The following CYB5R3 variants were observed in gnomAD, a reference collection of about 807,000 sequenced individuals.
CYB5R3 encodes the protein NADH-cytochrome b5 reductase 3.
A neutral mutation model predicts 36.5 loss-of-function variants in CYB5R3; 28 were observed. That is an observed-to-expected ratio of 0.77 (90% CI 0.57 to 1.05). The LOEUF is 1.05. Among genes scored for constraint, CYB5R3 ranks in the 50% least tolerant of loss-of-function variants. The pLI, the probability that CYB5R3 is intolerant of heterozygous loss-of-function variation, is 0.00. For synonymous variants in CYB5R3, 181 were observed against 159.8 expected (o/e 1.13, Z -1.00); for missense variants, 474 against 408.9 (o/e 1.16, Z -1.37).
In CYB5R3 at chr22:42,619,478, T is replaced by G; in HGVS notation, c.*295A>C. On this transcript the variant is annotated 3_prime_UTR_variant, in exon 9 of 9. Transcript: ENST00000352397. ...CTGCTGGCAGCCCTCAGCCTTATAG[T>G]GTGTGTGGGGGGTGGACGAGGGGTC... The G allele has an allele frequency of 2.1e-6, 1 of 465,590 alleles. No individual in the cohort carries two copies. 28.8% of individuals were successfully genotyped at this position (465,590 alleles called of 1,614,324 possible).
chr22:42,628,239 TC>T lies in CYB5R3; in HGVS notation c.375del (p.Lys126ArgfsTer47). The T allele has an allele frequency of 6.2e-7, 1 of 1,614,108 alleles. No homozygotes were observed. The highest frequency in any genetic ancestry group is 8.5e-7 in the Non-Finnish European group (1 of 1,179,988). On this transcript the variant is annotated frameshift_variant, in exon 5 of 9. Coordinates refer to ENST00000352397, the MANE Select transcript of CYB5R3 (RefSeq NM_000398.7). LOFTEE classifies it high-confidence loss of function. ...ATGCTCTCCAGGTACTGAGACATCT[TC>T]CCTCCAGCGGGAAACTTGGGATGGG... ...KDTHPKFPAG[G>X]KMSQYLESMQ...
Position 42,628,165 on chromosome 22 carries a change from G to A in CYB5R3, c.450C>T (p.Val150=). The change falls in exon 5 of 9, where the codon GTC becomes GTT. Residue 150 remains valine (V), a synonymous_variant. Coordinates refer to ENST00000352397, the MANE Select transcript of CYB5R3 (RefSeq NM_000398.7). ...GACCCGAATCACCTTTGCCCTGGTA[G>A]ACCAGCAGCCCACTGGGGCCCCGGA... ...IEFRGPSGLL[V]YQGKGKFAIR... The A allele has an allele frequency of 6.2e-7, 1 of 1,614,082 alleles. No homozygotes were observed. Among genetic ancestry groups the A allele is most frequent in the African/African-American group, 1.3e-5 (1 of 75,038 alleles).
Position 42,618,474 on chromosome 22 carries a change from T to G in CYB5R3, c.*1299A>C, listed in dbSNP as rs1203544904. Reference sequence around the variant, plus strand: ...ATGGCGTGAACCCGGGAGGCGGAGCTTGCAGTGAGCCGAGATCCCGCCACT... The same window carrying G: ...ATGGCGTGAACCCGGGAGGCGGAGCGTGCAGTGAGCCGAGATCCCGCCACT... On this transcript the variant is annotated 3_prime_UTR_variant, in exon 9 of 9. Coordinates refer to ENST00000352397, the MANE Select transcript of CYB5R3 (RefSeq NM_000398.7). 6.9e-6 allele frequency: 1 copy of G among 144,238 alleles called. No individual in the cohort carries two copies. Among genetic ancestry groups the G allele is most frequent in the Non-Finnish European group, 1.5e-5 (1 of 66,728 alleles). 8.9% of individuals were successfully genotyped at this position (144,238 alleles called of 1,614,324 possible). A position where few individuals can be genotyped will look rare whatever the true frequency, so the allele number is the denominator to read the frequency against.
chr22:42,627,853 G>C (rs1040743991), intron 5 of CYB5R3, among the ~76,000 whole-genome samples, 165 bp from the exon 6 acceptor site: 1 of 152,168 alleles, frequency 6.6e-6, no homozygotes, highest in Non-Finnish European at 1.5e-5. Flanking sequence ...CAGTGGAGAG[G>C]CTGGGAACCC....
At chr22:42,636,668 G>A in intron 2 of CYB5R3, 47 bp downstream of exon 2, 1 of 1,601,274 alleles carries the variant, frequency 6.2e-7, no homozygotes. Flanking sequence ...GTAGGTGCTG[G>A]GCAATGCTGT....
At position 42,628,169 on chromosome 22, in the gene CYB5R3, A is replaced by G. The variant is rs121965008; in HGVS notation, c.446T>C (p.Leu149Pro). The G allele has an allele frequency of 6.2e-7, 1 of 1,614,118 alleles. No individual in the cohort carries two copies. Among genetic ancestry groups the G allele is most frequent in the East Asian group, 2.2e-5 (1 of 44,888 alleles). The change falls in exon 5 of 9, where the codon CTG becomes CCG. Residue 149 changes from leucine to proline, a missense_variant. Coordinates refer to ENST00000352397, the MANE Select transcript of CYB5R3 (RefSeq NM_000398.7). ...CGAATCACCTTTGCCCTGGTAGACC[A>G]GCAGCCCACTGGGGCCCCGGAACTC... The part of the protein sequence containing the change: ...TIEFRGPSGL[L>P]VYQGKGKFAI...
intron 4 of CYB5R3, among the ~76,000 whole-genome samples, chr22:42,630,575 T>C (rs944589797): frequency 3.9e-5 from 6 of 152,236 alleles, no homozygotes; most frequent in Admixed American, 1.3e-4. Context: ...CCCTGAACCC[T>C]GGCCCCTGTT....
intron 1 of CYB5R3, among the ~76,000 whole-genome samples, chr22:42,645,753 T>A (rs559335646): frequency 1.2e-4 from 18 of 152,302 alleles, no homozygotes; most frequent in East Asian, 3.9e-4. Context: ...GGGGACACTT[T>A]CTGGCCACTA....
intron 1 of CYB5R3, chr22:42,639,970 T>C: frequency 6.2e-7 from 1 of 1,610,668 alleles, no homozygotes; most frequent in Non-Finnish European, 8.5e-7. Context: ...TCTTCAAACA[T>C]TCTAGCCAAT....
rs1442202553 is a variant in CYB5R3, at chr22:42,627,649, A to G, written c.503T>C (p.Ile168Thr). The G allele has an allele frequency of 8.7e-6, 14 of 1,613,940 alleles. No homozygotes were observed. The highest frequency in any genetic ancestry group is 1.2e-5 in the Non-Finnish European group (14 of 1,179,992). The change falls in exon 6 of 9, where the codon ATC (isoleucine) becomes ACC (threonine). Residue 168 changes from isoleucine to threonine, a missense_variant. Ile to Thr is a moderately conservative substitution (Grantham distance 89). Transcript: ENST00000352397. Reference protein sequence around the residue: ...AIRPDKKSNPIIRTVKSVGMI... With the variant: ...AIRPDKKSNPTIRTVKSVGMI... ...GCCCACAGACTTCACTGTCCTGATGATAGGGTTGGACTTTTTGTCAGGTCG... is the reference window on the plus strand; with the variant it reads ...GCCCACAGACTTCACTGTCCTGATGGTAGGGTTGGACTTTTTGTCAGGTCG...
chr22:42,640,376 T>G (rs1929191460), intron 1 of CYB5R3: 1 of 656,642 alleles, frequency 1.5e-6, no homozygotes, highest in Non-Finnish European at 2.1e-6. Context: ...TTTATTTATT[T>G]ATTTATTTAT....
In CYB5R3 at chr22:42,649,346, C is replaced by A; in HGVS notation, c.-31G>T. 1.1e-6 allele frequency: 1 copy of A among 879,794 alleles called. No homozygotes were observed. Among genetic ancestry groups the A allele is most frequent in the Non-Finnish European group, 1.4e-6 (1 of 720,236 alleles). 54.5% of individuals were successfully genotyped at this position (879,794 alleles called of 1,614,324 possible). On this transcript the variant is annotated 5_prime_UTR_variant, in exon 1 of 9. Transcript: ENST00000352397. ...CCCCGCGCCGCGCTCGCTCTGTCGC[C>A]GCCGCCGCCGCCGCCGAGACCGTCG...
intron 1 of CYB5R3, 83 bp downstream of exon 1, chr22:42,649,212 T>C: frequency 1.6e-6 from 1 of 617,278 alleles, no homozygotes; most frequent in African/African-American, 2.0e-5. Context: ...CCGCGTCACC[T>C]CCCGCAGGCC....
Position 42,627,295 on chromosome 22 carries a change from C to G in CYB5R3, c.633+9G>C. The stretch of plus-strand genomic sequence containing the variant: ...GCTGAGTTTCCCCATCATGGGGATG[C>G]CCACTGACCTGGTTGGCAAAGAGCA... On this transcript the variant is annotated intron_variant, in intron 7 of 8. Transcript: ENST00000352397. 6.2e-7 allele frequency: 1 copy of G among 1,612,914 alleles called. No individual in the cohort carries two copies. Among genetic ancestry groups the G allele is most frequent in the Non-Finnish European group, 8.5e-7 (1 of 1,179,192 alleles).
At chr22:42,646,796 A>G in intron 1 of CYB5R3, 1 of 986,316 alleles carries the variant, frequency 1.0e-6, no homozygotes, top group Non-Finnish European at 1.2e-6. Flanking sequence ...GGAACCCAGG[A>G]GAAGGAACAG....
In CYB5R3 at chr22:42,619,954, TGA is replaced by T; in HGVS notation, c.734-11_734-10del. The T allele has an allele frequency of 1.3e-6, 2 of 1,590,772 alleles. No individual in the cohort carries two copies. Among genetic ancestry groups the T allele is most frequent in the Non-Finnish European group, 1.7e-6 (2 of 1,168,046 alleles). On this transcript the variant is annotated splice_polypyrimidine_tract_variant and intron_variant, in intron 8 of 8. Transcript: ENST00000352397. Reference sequence around the variant, plus strand: ...CTGGCCGTAGTCCCAGGCTGTGGGGTGAGAGACCAGGTAAGCTGACGTGTGGC... The same window carrying T: ...CTGGCCGTAGTCCCAGGCTGTGGGGTGAGACCAGGTAAGCTGACGTGTGGC...
chr22:42,636,929 G>A (rs1928933751), intron 1 of CYB5R3, 83 bp from the exon 2 acceptor site: 3 of 1,546,992 alleles, frequency 1.9e-6, no homozygotes, highest in Non-Finnish European at 2.6e-6. Flanking sequence ...CCAGGCCTCT[G>A]CTCACGCTGC....
At chr22:42,625,604 G>A (rs998064616) in intron 7 of CYB5R3, among the ~76,000 whole-genome samples, 1 of 152,096 alleles carries the variant, frequency 6.6e-6, no homozygotes, top group Non-Finnish European at 1.5e-5. Context: ...CCACCGCCGC[G>A]ACCCACCTGA....
At chr22:42,637,980 G>A (rs888153147) in intron 1 of CYB5R3, among the ~76,000 whole-genome samples, 5 of 152,234 alleles carry the variant, frequency 3.3e-5, no homozygotes, top group Non-Finnish European at 5.9e-5. Flanking sequence ...TGGGCATAGT[G>A]GCTCCAGCCT....
Sources: allele counts gnomAD v4.1 joint callset (sites outside exome capture counted in the v4.1 genomes callset), GRCh38; gene constraint gnomAD v4.1.1; transcripts MANE v1.5; gene names NCBI Gene and HGNC (gene_info 2026-07-23, HGNC 2026-07-21).